MEP1A: variants seen among roughly 807,000 people sequenced by gnomAD.
MEP1A encodes the protein N-benzoyl-L-tyrosyl-P-amino-benzoic acid hydrolase subunit alpha.
MEP1A carries 68 observed loss-of-function variants against 84.5 expected under a neutral mutation model. The observed-to-expected ratio is 0.80, with a 90% CI of 0.66 to 0.98. The LOEUF (loss-of-function observed/expected upper bound fraction) is 0.98. MEP1A is among the 50% of genes least tolerant of loss of function. MEP1A has a pLI of 0.00. For missense variants in MEP1A, 887 were observed against 919.9 expected, an observed-to-expected ratio of 0.96 and a Z score of 0.46; for synonymous variants, 337 against 336.8, an observed-to-expected ratio of 1.00 and a Z score of -0.01.
At chr6:46,803,975 TTA>T (rs1767254559) in intron 5 of MEP1A, among the ~76,000 whole-genome samples, 1 of 151,742 alleles carries the variant, frequency 6.6e-6, no homozygotes, top group Non-Finnish European at 1.5e-5. Flanking sequence ...CTTTATTGGT[TTA>T]TATTTTCCAT....
At chr6:46,804,161 A>C (rs1332437863) in intron 5 of MEP1A, among the ~76,000 whole-genome samples, 1 of 151,602 alleles carries the variant, frequency 6.6e-6, no homozygotes, top group Non-Finnish European at 1.5e-5. Context: ...ATTTCTCTTC[A>C]GTCTGAAGAA....
chr6:46,799,812 A>G lies in MEP1A; in HGVS notation c.262+631A>G, dbSNP rs190950567. The stretch of plus-strand genomic sequence containing the variant: ...TAAATATTAGAAGCCACATGTAGGC[A>G]CTGGCTGACCCTCAAGCAGTTGACT... On this transcript the variant is annotated intron_variant, in intron 5 of 13. Transcript: ENST00000230588. Among the ~76,000 whole-genome samples, 6 of 152,318 alleles carry G rather than the reference A, an allele frequency of 3.9e-5. 1 individual carries two copies. In the East Asian group the frequency reaches 7.7e-4, roughly 20 times the overall value.
intron 5 of MEP1A, among the ~76,000 whole-genome samples, chr6:46,805,972 C>T (rs576454819): frequency 6.6e-6 from 1 of 152,066 alleles, no homozygotes; most frequent in South Asian, 2.1e-4. Context: ...TTCTCTCTGT[C>T]TCTTTTACCA....
intron 10 of MEP1A, among the ~76,000 whole-genome samples, chr6:46,832,524 T>C (rs1768100214): frequency 6.6e-6 from 1 of 152,174 alleles, no homozygotes; most frequent in South Asian, 2.1e-4. Flanking sequence ...TGGTGGACTT[T>C]CAGATAATAT....
At chr6:46,816,385 T>G (rs185740255) in intron 6 of MEP1A, among the ~76,000 whole-genome samples, 1 of 151,576 alleles carries the variant, frequency 6.6e-6, no homozygotes, top group Non-Finnish European at 1.5e-5. Flanking sequence ...GTGGGGGTGG[T>G]GGAGAAATGA....
rs770508272 is a variant in MEP1A at position 46,833,387 on chromosome 6, T to C, written c.1458T>C (p.Phe486=). 6 of 1,614,106 alleles carry C rather than the reference T, an allele frequency of 3.7e-6. No homozygotes were observed. In the East Asian group the frequency reaches 1.3e-4, roughly 36 times the overall value. The stretch of plus-strand genomic sequence containing the variant: ...GCTCTGGTTACTTGAGACTTGCTTT[T>C]CATGTGTGCAGTGGGGAGAACGATG... ...RESSGYLRLA[F]HVCSGENDAI... Residue 486 remains phenylalanine, a synonymous_variant, in exon 11 of 14, where the codon TTT becomes TTC. Coordinates refer to ENST00000230588, the MANE Select transcript of MEP1A (RefSeq NM_005588.3).
At chr6:46,825,242 A>G in intron 7 of MEP1A, 30 bp from the exon 8 acceptor site, 1 of 1,479,180 alleles carries the variant, frequency 6.8e-7, no homozygotes, top group Non-Finnish European at 9.4e-7. Flanking sequence ...AACATGACTG[A>G]GAAGGACCTG....
rs1191790065 is a variant in MEP1A, at chr6:46,825,205, C to G, written c.557-67C>G. 6 of 908,004 alleles carry G rather than the reference C, an allele frequency of 6.6e-6. No homozygotes were observed. In the East Asian group the frequency reaches 1.0e-4, roughly 16 times the overall value. The allele number at this position is 908,004 out of a possible 1,614,324, so 56.2% of individuals were successfully genotyped here. A position where few individuals can be genotyped will look rare whatever the true frequency, so the allele number is the denominator to read the frequency against. On this transcript the variant is annotated intron_variant, in intron 7 of 13. Coordinates refer to ENST00000230588, the MANE Select transcript of MEP1A (RefSeq NM_005588.3). ...CCTTTTTTGGAGGGTCTCTGGGTAT[C>G]TAGTCAAAGAGTAGCATGGGGAAAA...
intron 5 of MEP1A, among the ~76,000 whole-genome samples, chr6:46,806,618 G>T (rs1329782932): frequency 6.6e-6 from 1 of 151,954 alleles, no homozygotes; most frequent in African/African-American, 2.4e-5. Flanking sequence ...CCTACTGAGG[G>T]GCTTGGAGCC....
intron 5 of MEP1A, among the ~76,000 whole-genome samples, chr6:46,806,496 GT>G (rs1767320880): frequency 6.6e-6 from 1 of 151,962 alleles, no homozygotes; most frequent in Non-Finnish European, 1.5e-5. Flanking sequence ...GAATGCCCGA[GT>G]TTCCCCAACC....
chr6:46,795,036 T>A (rs1260011324), intron 3 of MEP1A, among the ~76,000 whole-genome samples: 1 of 152,192 alleles, frequency 6.6e-6, no homozygotes, highest in Non-Finnish European at 1.5e-5. Flanking sequence ...TCTAACACCA[T>A]AAATTGGGAA....
At chr6:46,808,539 T>G (rs1217647201) in intron 5 of MEP1A, among the ~76,000 whole-genome samples, 1 of 152,142 alleles carries the variant, frequency 6.6e-6, no homozygotes, top group Non-Finnish European at 1.5e-5. Flanking sequence ...GATTCTAACC[T>G]TCAATGAGTT....
At chr6:46,820,217 T>C (rs1767735078) in intron 7 of MEP1A, among the ~76,000 whole-genome samples, 1 of 152,212 alleles carries the variant, frequency 6.6e-6, no homozygotes, top group Non-Finnish European at 1.5e-5. Context: ...ACCCCAATTA[T>C]GTTAATTCTA....
At chr6:46,819,084 C>G (rs760374844) in intron 6 of MEP1A, among the ~76,000 whole-genome samples, 2 of 152,148 alleles carry the variant, frequency 1.3e-5, no homozygotes, top group Non-Finnish European at 2.9e-5. Flanking sequence ...TGGCACTGCA[C>G]AGCAACCTGA....
chr6:46,807,608 GGAAGGAAGGAAGGAAA>G (rs1487083331), intron 5 of MEP1A, among the ~76,000 whole-genome samples: 1,387 of 75,554 alleles, frequency 0.018, 10 homozygotes, highest in South Asian at 0.023. Context: ...AAGGAAGGAA[GGAAGGAAGGAAGGAAA>G]GAAGGAAGGA....
intron 6 of MEP1A, 130 bp downstream of exon 6, chr6:46,809,667 A>G (rs1204738254): frequency 1.8e-5 from 11 of 615,846 alleles, no homozygotes; most frequent in Non-Finnish European, 2.9e-5. Context: ...GCTCCCACAT[A>G]TGAGTGAGAA....
chr6:46,835,165 C>T, intron 12 of MEP1A, 84 bp from the exon 13 acceptor site: 1 of 1,256,120 alleles, frequency 8.0e-7, no homozygotes, highest in South Asian at 1.4e-5. Flanking sequence ...TAGAAGCAGG[C>T]TGGGGAACTT....
chr6:46,807,839 G>GAAA (rs1554189052), intron 5 of MEP1A, among the ~76,000 whole-genome samples: 4,836 of 109,796 alleles, frequency 0.044, 225 homozygotes, highest in Middle Eastern at 0.1. Context: ...AAGAAAGAAA[G>GAAA]GAAGAAAGGA....
At chr6:46,794,245 T>C (rs993345905) in intron 3 of MEP1A, among the ~76,000 whole-genome samples, 2 of 152,210 alleles carry the variant, frequency 1.3e-5, no homozygotes, top group Non-Finnish European at 2.9e-5. Context: ...AGCTGAGTCA[T>C]CATCTCTGTT....
Sources: allele counts gnomAD v4.1 joint callset (sites outside exome capture counted in the v4.1 genomes callset), GRCh38; gene constraint gnomAD v4.1.1; transcripts MANE v1.5; gene names NCBI Gene and HGNC (gene_info 2026-07-23, HGNC 2026-07-21).